Variants in NRCAM observed in about 807,000 individuals in gnomAD.
The protein encoded by NRCAM is neuronal cell adhesion molecule, also known as NgCAM-related cell adhesion molecule.
A neutral mutation model predicts 156.5 loss-of-function variants in NRCAM; 83 were observed. That is an observed-to-expected ratio of 0.53 (90% CI 0.44 to 0.64). The LOEUF (loss-of-function observed/expected upper bound fraction) is 0.64, where lower values mean the gene tolerates loss of function less well. Ranked by LOEUF, NRCAM falls within the 30% of genes least tolerant of loss-of-function variation. NRCAM has a pLI of 0.00. For synonymous variants in NRCAM, 538 were observed against 563.9 expected (o/e 0.95, Z 0.65); for missense variants, 1,417 against 1,597.3 (o/e 0.89, Z 1.92).
intron 3 of NRCAM, among the ~76,000 whole-genome samples, chr7:108,257,374 G>A (rs1478302554): frequency 6.6e-6 from 1 of 152,150 alleles, no homozygotes; most frequent in Non-Finnish European, 1.5e-5. Context: ...AAATAAGAAA[G>A]TTAACTGGAA....
At chr7:108,258,718 A>T (rs1298112884) in intron 3 of NRCAM, among the ~76,000 whole-genome samples, 4 of 152,152 alleles carry the variant, frequency 2.6e-5, no homozygotes, top group Non-Finnish European at 4.4e-5. Context: ...ATAAATATGG[A>T]ATGAGCATAG....
intron 3 of NRCAM, among the ~76,000 whole-genome samples, chr7:108,253,607 G>A (rs2096484080): frequency 6.6e-6 from 1 of 152,212 alleles, no homozygotes; most frequent in African/African-American, 2.4e-5. Flanking sequence ...TATCAGATGA[G>A]TTTCAAAGTG....
intron 17 of NRCAM, among the ~76,000 whole-genome samples, chr7:108,192,720 C>T (rs1280239968): frequency 6.6e-6 from 1 of 152,110 alleles, no homozygotes; most frequent in Non-Finnish European, 1.5e-5. Flanking sequence ...ATTTTAAATA[C>T]TTTATTATTT....
At chr7:108,189,565 G>A in intron 20 of NRCAM, 80 bp downstream of exon 20, 2 of 719,054 alleles carry the variant, frequency 2.8e-6, no homozygotes, top group Non-Finnish European at 5.0e-6. Flanking sequence ...ACCTTTGTGA[G>A]GAAATTCAGC....
At chr7:108,231,005 A>T in intron 8 of NRCAM, 26 bp downstream of exon 8, 1 of 1,550,116 alleles carries the variant, frequency 6.5e-7, no homozygotes, top group Non-Finnish European at 8.9e-7. Context: ...TTTTAAAGAA[A>T]GAAAGTTCAT....
At chr7:108,407,303 T>C (rs2099809943) in intron 1 of NRCAM, among the ~76,000 whole-genome samples, 1 of 152,354 alleles carries the variant, frequency 6.6e-6, no homozygotes, top group Non-Finnish European at 1.5e-5. Flanking sequence ...ACCATATCTA[T>C]TTAATCGCTG....
chr7:108,189,042 T>C (rs1465155092), intron 20 of NRCAM, among the ~76,000 whole-genome samples: 2 of 119,108 alleles, frequency 1.7e-5, no homozygotes, highest in Admixed American at 9.9e-5. Flanking sequence ...GCTCTTCTAG[T>C]ATCCTTATGA....
At chr7:108,218,186 G>C (rs1379364185) in intron 11 of NRCAM, among the ~76,000 whole-genome samples, 1 of 131,772 alleles carries the variant, frequency 7.6e-6, no homozygotes, top group Non-Finnish European at 1.6e-5. Context: ...GGGGGGGGGG[G>C]AGTTCCCCGA....
At chr7:108,155,800 T>A (rs10241469) in intron 32 of NRCAM, among the ~76,000 whole-genome samples, 26,153 of 151,832 alleles carry the variant, frequency 0.17, 2,874 homozygotes, top group African/African-American at 0.32. Flanking sequence ...AAAATTTTTT[T>A]AAAAATTCTA....
At chr7:108,197,716 T>C (rs569419176) in intron 14 of NRCAM, among the ~76,000 whole-genome samples, 398 of 152,318 alleles carry the variant, frequency 2.6e-3, no homozygotes, top group Admixed American at 4.6e-3. Flanking sequence ...CATCTGTAAG[T>C]AGAACAGCTT....
chr7:108,341,658 C>T (rs1337451591), intron 2 of NRCAM, among the ~76,000 whole-genome samples: 3 of 152,090 alleles, frequency 2.0e-5, no homozygotes, highest in Non-Finnish European at 4.4e-5. Flanking sequence ...GCAAAAAATG[C>T]CCATCCTGTT....
In NRCAM at chr7:108,269,635, C is replaced by A. The variant is rs1040303664; in HGVS notation, c.-106-29465G>T. 2.0e-5 allele frequency among the ~76,000 whole-genome samples: 3 copies of A among 152,246 alleles called. No homozygotes were observed. The East Asian group carries it at 5.8e-4, about 29-fold the overall frequency. ...ACAATTCTATCCAACTGGAGGAACA[C>A]ACTGAAAAGGTAATGAATACAAAGC... On this transcript the variant is annotated intron_variant, in intron 3 of 32. Transcript: ENST00000379028.
intron 1 of NRCAM, among the ~76,000 whole-genome samples, chr7:108,413,625 A>T (rs1003028853): frequency 1.3e-5 from 2 of 152,188 alleles, no homozygotes; most frequent in Non-Finnish European, 2.9e-5. Context: ...TTACATATTT[A>T]GTCTAAATTG....
chr7:108,369,189 T>C (rs1352624029), intron 2 of NRCAM, among the ~76,000 whole-genome samples: 1 of 152,090 alleles, frequency 6.6e-6, no homozygotes, highest in Non-Finnish European at 1.5e-5. Context: ...ACAAGCCTAT[T>C]CCAATTAATT....
intron 1 of NRCAM, among the ~76,000 whole-genome samples, chr7:108,444,731 G>A (rs1430714636): frequency 6.6e-6 from 1 of 152,138 alleles, no homozygotes; most frequent in Non-Finnish European, 1.5e-5. Flanking sequence ...ATGGATTGGG[G>A]CCTAACCTAA....
chr7:108,210,525 C>T (rs1174571122), intron 11 of NRCAM, among the ~76,000 whole-genome samples: 3 of 152,136 alleles, frequency 2.0e-5, no homozygotes, highest in Admixed American at 6.5e-5. Context: ...GGATTATAGG[C>T]GTGAGCCACC....
At chr7:108,406,617 G>A (rs1563665541) in intron 1 of NRCAM, among the ~76,000 whole-genome samples, 1 of 152,176 alleles carries the variant, frequency 6.6e-6, no homozygotes, top group Non-Finnish European at 1.5e-5. Flanking sequence ...TTTGCATATT[G>A]CCCAGTCTTC....
At chr7:108,184,196 TCA>T in intron 22 of NRCAM, 43 bp downstream of exon 22, 2 of 1,519,536 alleles carry the variant, frequency 1.3e-6, no homozygotes, top group Non-Finnish European at 1.8e-6. Flanking sequence ...AACTTTTTTT[TCA>T]CTCTAAAAAA....
At position 108,159,221 on chromosome 7, in the gene NRCAM, A is replaced by G. The variant is rs894833420; in HGVS notation, c.3677+242T>C. 5.9e-6 allele frequency: 4 copies of G among 672,686 alleles called. No homozygotes were observed. The African/African-American group carries it at 7.1e-5, about 12-fold the overall frequency. The allele number at this position is 672,686 out of a possible 1,614,324, so 41.7% of individuals were successfully genotyped here. ...AATACAGCATGGTCCCATGGAAAAT[A>G]TGACAAAGTGGGAGACATTCCATCT... On this transcript the variant is annotated intron_variant, in intron 32 of 32. Coordinates refer to ENST00000379028, the MANE Select transcript of NRCAM (RefSeq NM_001037132.4).
Sources: gnomAD v4.1 joint callset for allele counts (sites outside exome capture counted in the v4.1 genomes callset) on GRCh38, gnomAD v4.1.1 for gene constraint, MANE v1.5 for transcripts, NCBI Gene and HGNC (gene_info 2026-07-23, HGNC 2026-07-21) for gene names.